Variants in SUPT3H observed in about 807,000 individuals in gnomAD.
SUPT3H encodes SPT3 homolog, SAGA and STAGA complex component.
Under a neutral mutation model 44.3 loss-of-function variants are expected in SUPT3H, and 44 were observed. The ratio of observed to expected loss-of-function variants is 0.99; its 90% CI spans 0.78 to 1.28. SUPT3H has a LOEUF of 1.28. Among genes scored for constraint, SUPT3H ranks in the 50% most tolerant of loss-of-function variants. The pLI is 0.00. For synonymous variants in SUPT3H, 124 were observed against 125.6 expected, an observed-to-expected ratio of 0.99 and a Z score of 0.09; for missense variants, 380 against 387.1, an observed-to-expected ratio of 0.98 and a Z score of 0.15.
intron 10 of SUPT3H, among the ~76,000 whole-genome samples, chr6:44,909,023 T>C (rs987074431): frequency 4.6e-5 from 7 of 152,266 alleles, no homozygotes; most frequent in African/African-American, 1.7e-4. Context: ...ATGTATATAC[T>C]AGCATATATA....
chr6:45,283,831 T>C (rs913807595), intron 2 of SUPT3H, among the ~76,000 whole-genome samples: 1 of 152,160 alleles, frequency 6.6e-6, no homozygotes, highest in African/African-American at 2.4e-5. Flanking sequence ...ACCACATAGT[T>C]GGAAGTAAAG....
intron 10 of SUPT3H, among the ~76,000 whole-genome samples, chr6:44,879,433 C>A (rs903455439): frequency 3.3e-5 from 5 of 152,216 alleles, no homozygotes; most frequent in African/African-American, 1.2e-4. Context: ...CAGTCAGGGG[C>A]TTACAGATAA....
At chr6:45,213,260 G>A (rs544772670) in intron 2 of SUPT3H, among the ~76,000 whole-genome samples, 1 of 152,050 alleles carries the variant, frequency 6.6e-6, no homozygotes. Flanking sequence ...GCATTCTGGT[G>A]ATGAACTGAA....
chr6:44,865,787 C>T (rs927652236), intron 10 of SUPT3H, among the ~76,000 whole-genome samples: 1 of 152,122 alleles, frequency 6.6e-6, no homozygotes, highest in Non-Finnish European at 1.5e-5. Flanking sequence ...GAGGCAGGGA[C>T]TTGAGGTACA....
chr6:44,847,647 CCAGCT>C (rs1772106961), intron 10 of SUPT3H, among the ~76,000 whole-genome samples: 1 of 151,946 alleles, frequency 6.6e-6, no homozygotes, highest in South Asian at 2.1e-4. Flanking sequence ...GCCACCATGC[CCAGCT>C]AATTTTTGTA....
chr6:44,899,471 AG>A (rs1226553626), intron 10 of SUPT3H, among the ~76,000 whole-genome samples: 1 of 152,076 alleles, frequency 6.6e-6, no homozygotes, highest in Non-Finnish European at 1.5e-5. Flanking sequence ...GCAGATCACG[AG>A]GTCAGGAGTT....
intron 6 of SUPT3H, among the ~76,000 whole-genome samples, chr6:44,978,238 C>T (rs1325271975): frequency 6.6e-6 from 1 of 152,106 alleles, no homozygotes; most frequent in Non-Finnish European, 1.5e-5. Context: ...ATTTCTTAAA[C>T]ACCCATGTGC....
intron 10 of SUPT3H, among the ~76,000 whole-genome samples, chr6:44,921,017 T>G (rs548849789): frequency 6.6e-6 from 1 of 152,360 alleles, no homozygotes; most frequent in African/African-American, 2.4e-5. Context: ...TCTAAGGGAC[T>G]GTCCCTCTTT....
At position 44,932,037 on chromosome 6, in the gene SUPT3H, A is replaced by G. The variant is rs1770672657; in HGVS notation, c.912+616T>C. Among the ~76,000 whole-genome samples the G allele has an allele frequency of 2.0e-5, 3 of 152,176 alleles. No individual in the cohort carries two copies. In the South Asian group the frequency reaches 6.2e-4, roughly 32 times the overall value. ...CTTGAAGAAATTTCTCTTAACACAA[A>G]TAAGATCTTTTTTTTAAAGGGCCAT... is the stretch of plus-strand genomic sequence containing the variant. On this transcript the variant is annotated intron_variant, in intron 10 of 10. Transcript: ENST00000371459.
chr6:45,181,459 A>G (rs565112714), intron 2 of SUPT3H, among the ~76,000 whole-genome samples: 2 of 152,198 alleles, frequency 1.3e-5, no homozygotes, highest in African/African-American at 4.8e-5. Context: ...TAGATTTGGA[A>G]CCAACCCAAA....
chr6:44,881,563 A>AC (rs1341914497), intron 10 of SUPT3H, among the ~76,000 whole-genome samples: 1 of 152,186 alleles, frequency 6.6e-6, no homozygotes, highest in Non-Finnish European at 1.5e-5. Flanking sequence ...AGAACTCTCC[A>AC]CCCCAAATCA....
chr6:45,215,317 A>C (rs1365568035), intron 2 of SUPT3H, among the ~76,000 whole-genome samples: 1 of 152,240 alleles, frequency 6.6e-6, no homozygotes, highest in East Asian at 1.9e-4. Context: ...TGCCAAAGGA[A>C]GACAATAATC....
chr6:45,219,819 T>A (rs10948216), intron 2 of SUPT3H, among the ~76,000 whole-genome samples: 33,296 of 151,668 alleles, frequency 0.22, 4,474 homozygotes, highest in Non-Finnish European at 0.31. Context: ...GGTGGGTGGA[T>A]CACGAGGTCA....
Position 45,270,313 on chromosome 6 carries a change from T to C in SUPT3H, c.101+94888A>G, listed in dbSNP as rs1714081249. Among the ~76,000 whole-genome samples the C allele has an allele frequency of 3.3e-5, 5 of 151,872 alleles. No individual in the cohort carries two copies. In the South Asian group the frequency reaches 1.0e-3, roughly 32 times the overall value. ...TTAACTATATTAAAAAAAAAAGTGGTTGACAGATATGGTTTGGCTGTGTCC... is the reference window on the plus strand; with the variant it reads ...TTAACTATATTAAAAAAAAAAGTGGCTGACAGATATGGTTTGGCTGTGTCC... On this transcript the variant is annotated intron_variant, in intron 2 of 10. Transcript: ENST00000371459.
At chr6:45,089,453 G>T (rs561100153) in intron 3 of SUPT3H, among the ~76,000 whole-genome samples, 1 of 151,964 alleles carries the variant, frequency 6.6e-6, no homozygotes, top group Non-Finnish European at 1.5e-5. Context: ...AATGCCATTC[G>T]CCTTATTCTA....
chr6:44,907,464 G>A (rs1766292669), intron 10 of SUPT3H, among the ~76,000 whole-genome samples: 1 of 152,166 alleles, frequency 6.6e-6, no homozygotes, highest in Non-Finnish European at 1.5e-5. Flanking sequence ...ATCACCTGAG[G>A]TGGGGAGTTC....
chr6:45,198,715 G>A (rs1205129787), intron 2 of SUPT3H, among the ~76,000 whole-genome samples: 1 of 43,232 alleles, frequency 2.3e-5, no homozygotes, highest in Non-Finnish European at 5.1e-5. Flanking sequence ...AGTGGTTTTT[G>A]ACTAAGCTGC....
chr6:45,177,121 G>C (rs902345568), intron 2 of SUPT3H, among the ~76,000 whole-genome samples: 4 of 152,172 alleles, frequency 2.6e-5, no homozygotes, highest in Admixed American at 6.5e-5. Context: ...AAATTACTCT[G>C]AGCTACGGGC....
intron 2 of SUPT3H, among the ~76,000 whole-genome samples, chr6:45,354,276 T>C (rs6926638): frequency 0.13 from 19,963 of 151,974 alleles, 1,549 homozygotes; most frequent in East Asian, 0.26. Flanking sequence ...ATATGATAGA[T>C]ATACACACAA....
Sources: gnomAD v4.1 joint callset for allele counts (sites outside exome capture counted in the v4.1 genomes callset) on GRCh38, gnomAD v4.1.1 for gene constraint, MANE v1.5 for transcripts, NCBI Gene and HGNC (gene_info 2026-07-23, HGNC 2026-07-21) for gene names.